FBXL4: variants seen among roughly 807,000 people sequenced by gnomAD.
FBXL4 encodes F-box/LRR-repeat protein 4.
In FBXL4, 40 loss-of-function variants were observed where a neutral mutation model predicts 58.9. The ratio of observed to expected loss-of-function variants is 0.68; its 90% confidence interval spans 0.53 to 0.88. FBXL4 has a LOEUF of 0.88. Ranked by LOEUF, FBXL4 falls within the 40% of genes least tolerant of loss-of-function variation. The pLI is 0.00. For synonymous variants in FBXL4, 263 were observed against 265.5 expected (o/e 0.99, Z 0.09); for missense variants, 676 against 734.4 (o/e 0.92, Z 0.92).
chr6:98,913,933 AAAAAAAG>A (rs1411046581), intron 5 of FBXL4, among the ~76,000 whole-genome samples: 130 of 144,326 alleles, frequency 9.0e-4, no homozygotes, highest in African/African-American at 3.2e-3. Context: ...ACTAATAAAG[AAAAAAAG>A]AGAGAAGAAT....
At chr6:98,880,181 TA>T (rs1554216672) in intron 8 of FBXL4, among the ~76,000 whole-genome samples, 1 of 152,154 alleles carries the variant, frequency 6.6e-6, no homozygotes, top group Non-Finnish European at 1.5e-5. Flanking sequence ...TCTCAGGATT[TA>T]AAAGCTAAAA....
chr6:98,920,350 C>A (rs895785092), intron 4 of FBXL4, among the ~76,000 whole-genome samples: 11 of 151,930 alleles, frequency 7.2e-5, no homozygotes, highest in African/African-American at 2.7e-4. Context: ...TTGCTTCTGA[C>A]TTCTATATCG....
At chr6:98,879,576 T>G (rs1562216196) in intron 8 of FBXL4, among the ~76,000 whole-genome samples, 1 of 152,136 alleles carries the variant, frequency 6.6e-6, no homozygotes, top group Non-Finnish European at 1.5e-5. Flanking sequence ...GCACATAAAA[T>G]CGTATTTTAA....
Position 98,876,063 on chromosome 6 carries a change from C to T in FBXL4, c.1390-336G>A, listed in dbSNP as rs983339108. ...GCCCACCATTTCAACCTTGCTGCTG[C>T]TACTCATTGACAGCACCTACTTTCC... On this transcript the variant is annotated intron_variant, in intron 8 of 9. Coordinates refer to ENST00000369244, the MANE Select transcript of FBXL4 (RefSeq NM_001278716.2). 2.0e-5 allele frequency among the ~76,000 whole-genome samples: 3 copies of T among 152,300 alleles called. No homozygotes were observed. The East Asian group carries it at 5.8e-4, about 29-fold the overall frequency.
Position 98,917,597 on chromosome 6 carries a change from G to A in FBXL4, c.635C>T (p.Ser212Phe). The A allele has an allele frequency of 9.9e-6, 16 of 1,613,960 alleles. No individual in the cohort carries two copies. The highest frequency in any genetic ancestry group is 1.4e-5 in the Non-Finnish European group (16 of 1,179,896). ...TAATTCAGTGTAATATTCCAGAAGA[G>A]AACTATTTACTTCCAGTCGTATAAG... ...TNLIRLEVNS[S>F]LLEYYTELDA... is the part of the protein sequence containing the mutation. Residue 212 changes from serine to phenylalanine, a missense_variant, in exon 5 of 10, where the codon TCT becomes TTT. Transcript: ENST00000369244.
intron 9 of FBXL4, 119 bp from the exon 10 acceptor site, chr6:98,874,560 T>C: frequency 9.1e-7 from 1 of 1,104,676 alleles, no homozygotes; most frequent in East Asian, 2.9e-5. Flanking sequence ...AATAACCCTT[T>C]ACAAATTAAA....
rs1770552770 is a variant in FBXL4, at chr6:98,873,568, G to C, written c.*710C>G. On this transcript the variant is annotated 3_prime_UTR_variant, in exon 10 of 10. Coordinates refer to ENST00000369244, the MANE Select transcript of FBXL4 (RefSeq NM_001278716.2). ...AATAGACAAAAATATCAGAAGAAAA[G>C]TGGAAACACTACAATTTTTTTTAAG... 1 of 151,968 alleles carries C rather than the reference G, an allele frequency of 6.6e-6. No homozygotes were observed. The highest frequency in any genetic ancestry group is 2.4e-5 in the African/African-American group (1 of 41,352). 9.4% of individuals were successfully genotyped at this position (151,968 alleles called of 1,614,324 possible). A position where few individuals can be genotyped will look rare whatever the true frequency, so the allele number is the denominator to read the frequency against.
At position 98,926,524 on chromosome 6, in the gene FBXL4, G is replaced by A. The variant is rs1011676; in HGVS notation, c.465C>T (p.Leu155=). 0.072 allele frequency: 115,906 copies of A among 1,613,406 alleles called. 4,817 individuals are homozygous for A. The highest frequency in any genetic ancestry group is 0.081 in the Non-Finnish European group (95,935 of 1,179,600). Residue 155 remains leucine, a synonymous_variant, in exon 4 of 10, where the codon CTC becomes CTT. Transcript: ENST00000369244. ...TYHPGAVIRI[L]ACSANPYSPN... is the part of the protein sequence containing the mutation. ...GGGAATAAGGATTTGCAGAACAAGC[G>A]AGAATTCTAATGACTGCTCCGGGAT...
chr6:98,913,111 C>A (rs2128398295), intron 5 of FBXL4, among the ~76,000 whole-genome samples: 1 of 152,260 alleles, frequency 6.6e-6, no homozygotes, highest in East Asian at 1.9e-4. Flanking sequence ...GGGATCAATT[C>A]AACAAGAAGA....
chr6:98,923,036 C>A (rs562829936), intron 4 of FBXL4, among the ~76,000 whole-genome samples: 4 of 152,250 alleles, frequency 2.6e-5, no homozygotes, highest in African/African-American at 9.6e-5. Flanking sequence ...ACACTTACAA[C>A]CTTCTTCACA....
chr6:98,945,902 AG>A (rs1248392671), intron 1 of FBXL4, among the ~76,000 whole-genome samples: 1 of 152,196 alleles, frequency 6.6e-6, no homozygotes, highest in African/African-American at 2.4e-5. Context: ...GAGCAACAGA[AG>A]GGATTTATTT....
At chr6:98,943,579 C>CAAAAAAAA (rs59697294) in intron 1 of FBXL4, among the ~76,000 whole-genome samples, 9 of 76,666 alleles carry the variant, frequency 1.2e-4, no homozygotes, top group East Asian at 4.1e-4. Flanking sequence ...GACTCTGTCT[C>CAAAAAAAA]AAAAAAAAAA....
intron 5 of FBXL4, among the ~76,000 whole-genome samples, chr6:98,916,026 CA>C (rs1215325645): frequency 1.3e-5 from 2 of 152,278 alleles, no homozygotes; most frequent in South Asian, 2.1e-4. Context: ...AGACACTTCT[CA>C]AAAGAAGACA....
intron 6 of FBXL4, among the ~76,000 whole-genome samples, 164 bp from the exon 7 acceptor site, chr6:98,899,645 A>C (rs1771532691): frequency 6.6e-6 from 1 of 152,242 alleles, no homozygotes; most frequent in South Asian, 2.1e-4. Context: ...GCATACTGAA[A>C]TATGAATGGT....
intron 4 of FBXL4, among the ~76,000 whole-genome samples, chr6:98,924,156 C>T (rs1772685901): frequency 6.6e-6 from 1 of 152,142 alleles, no homozygotes; most frequent in African/African-American, 2.4e-5. Flanking sequence ...GGAGAAAACA[C>T]ATTACATGTT....
At chr6:98,903,107 G>C (rs1486930236) in intron 6 of FBXL4, among the ~76,000 whole-genome samples, 2 of 151,998 alleles carry the variant, frequency 1.3e-5, no homozygotes, top group African/African-American at 4.8e-5. Context: ...CATCAACATT[G>C]GTCTCTAGTT....
chr6:98,939,220 A>C (rs1464131742), intron 1 of FBXL4, among the ~76,000 whole-genome samples: 1 of 152,158 alleles, frequency 6.6e-6, no homozygotes, highest in African/African-American at 2.4e-5. Context: ...CTTTCTCCTC[A>C]ATTATTTTAA....
intron 5 of FBXL4, among the ~76,000 whole-genome samples, chr6:98,912,678 A>T (rs945980145): frequency 5.3e-5 from 8 of 152,212 alleles, no homozygotes; most frequent in Admixed American, 1.3e-4. Flanking sequence ...TGAAGGAAGC[A>T]CTAAACATGG....
intron 1 of FBXL4, among the ~76,000 whole-genome samples, chr6:98,939,113 A>C (rs1488393140): frequency 6.6e-6 from 1 of 150,626 alleles, no homozygotes; most frequent in East Asian, 1.9e-4. Context: ...GAGAAGAGAA[A>C]GGAAAAGACA....
Sources: allele counts gnomAD v4.1 joint callset (sites outside exome capture counted in the v4.1 genomes callset), GRCh38; gene constraint gnomAD v4.1.1; transcripts MANE v1.5; gene names NCBI Gene and HGNC (gene_info 2026-07-23, HGNC 2026-07-21).